SLC39A11: variants seen among roughly 807,000 people sequenced by gnomAD.
SLC39A11 encodes the protein solute carrier family 39 member 11.
In SLC39A11, 33 loss-of-function variants were observed where a neutral mutation model predicts 36.1. The ratio of observed to expected loss-of-function variants is 0.91; its 90% CI spans 0.69 to 1.22. The LOEUF (loss-of-function observed/expected upper bound fraction) is 1.22. Among genes scored for constraint, SLC39A11 ranks in the 50% most tolerant of loss-of-function variants. The probability of loss-of-function intolerance (pLI) is 0.00; values close to 1 mark genes in which losing one functional copy is unlikely to be tolerated. For missense variants in SLC39A11, 432 were observed against 430.3 expected (o/e 1.00, Z -0.03); for synonymous variants, 166 against 170.3 (o/e 0.97, Z 0.20).
intron 6 of SLC39A11, among the ~76,000 whole-genome samples, chr17:72,753,900 A>AG (rs904062109): frequency 4.7e-5 from 7 of 149,540 alleles, no homozygotes. Context: ...AAAAAAAAAA[A>AG]AAAAAAAAAA....
chr17:72,908,523 T>C (rs1311697470), intron 5 of SLC39A11, among the ~76,000 whole-genome samples: 2 of 152,186 alleles, frequency 1.3e-5, no homozygotes, highest in African/African-American at 4.8e-5. Context: ...GCAGGAGAAC[T>C]GTCCAGAGAG....
chr17:72,646,391 C>T lies in SLC39A11; in HGVS notation c.*1193G>A, dbSNP rs1464539964. ...TTTGAAGTGGACAGGTCATTGCTAC[C>T]CCTGTTGGAGAAGCTATGTAAGAAG... On this transcript the variant is annotated 3_prime_UTR_variant, in exon 10 of 10. Coordinates refer to ENST00000255559, the MANE Select transcript of SLC39A11 (RefSeq NM_139177.4). 2 of 152,216 alleles carry T rather than the reference C, an allele frequency of 1.3e-5. No individual in the cohort carries two copies. Among genetic ancestry groups the T allele is most frequent in the Non-Finnish European group, 2.9e-5 (2 of 68,042 alleles). 9.4% of individuals were successfully genotyped at this position (152,216 alleles called of 1,614,324 possible). A position where few individuals can be genotyped will look rare whatever the true frequency, so the allele number is the denominator to read the frequency against.
intron 3 of SLC39A11, among the ~76,000 whole-genome samples, chr17:73,074,265 C>T (rs1301471694): frequency 6.6e-6 from 1 of 151,826 alleles, no homozygotes; most frequent in Admixed American, 6.6e-5. Context: ...AGGGGCCCTC[C>T]TGAAATATCC....
At chr17:72,898,650 G>T (rs1238218283) in intron 5 of SLC39A11, among the ~76,000 whole-genome samples, 1 of 152,018 alleles carries the variant, frequency 6.6e-6, no homozygotes, top group South Asian at 2.1e-4. Flanking sequence ...TGCATACATG[G>T]GCATGCACAC....
intron 3 of SLC39A11, among the ~76,000 whole-genome samples, chr17:73,044,740 G>A (rs1183495737): frequency 2.0e-5 from 3 of 152,034 alleles, no homozygotes; most frequent in East Asian, 1.9e-4. Context: ...TGGGGATGGT[G>A]GTGGGTACCT....
intron 3 of SLC39A11, among the ~76,000 whole-genome samples, chr17:73,058,670 T>C (rs1039873404): frequency 2.6e-5 from 4 of 151,992 alleles, no homozygotes; most frequent in African/African-American, 9.7e-5. Context: ...TTGCAGTGAG[T>C]CGAGATCGCA....
At chr17:72,974,629 C>T (rs1183668105) in intron 4 of SLC39A11, among the ~76,000 whole-genome samples, 1 of 152,062 alleles carries the variant, frequency 6.6e-6, no homozygotes, top group Admixed American at 6.6e-5. Context: ...TAAGTTAAGG[C>T]CAATGTATTA....
At chr17:73,005,945 C>A (rs182993360) in intron 4 of SLC39A11, among the ~76,000 whole-genome samples, 1 of 151,542 alleles carries the variant, frequency 6.6e-6, no homozygotes, top group South Asian at 2.1e-4. Context: ...AGCAAGACTC[C>A]GACTCAAAAA....
chr17:72,775,173 G>A (rs1169873312), intron 6 of SLC39A11, among the ~76,000 whole-genome samples: 2 of 152,086 alleles, frequency 1.3e-5, no homozygotes, highest in East Asian at 3.9e-4. Flanking sequence ...CTCAGCTAAC[G>A]TATCACCTTC....
chr17:72,773,526 C>T (rs1246576144), intron 6 of SLC39A11, among the ~76,000 whole-genome samples: 8 of 152,182 alleles, frequency 5.3e-5, no homozygotes, highest in South Asian at 2.1e-4. Context: ...GATTGTGAGG[C>T]CTCCCCAGCC....
At chr17:73,052,029 C>T (rs1268170216) in intron 3 of SLC39A11, among the ~76,000 whole-genome samples, 2 of 152,000 alleles carry the variant, frequency 1.3e-5, no homozygotes, top group African/African-American at 4.8e-5. Context: ...CCATCCCCAG[C>T]TCCATCAAGT....
At chr17:72,742,129 G>A (rs997842887) in intron 6 of SLC39A11, among the ~76,000 whole-genome samples, 8 of 152,086 alleles carry the variant, frequency 5.3e-5, no homozygotes, top group African/African-American at 1.9e-4. Context: ...CTTGAACCCG[G>A]GAGGCAGAGG....
chr17:73,033,475 G>A (rs1202067241), intron 3 of SLC39A11, among the ~76,000 whole-genome samples: 1 of 152,224 alleles, frequency 6.6e-6, no homozygotes, highest in Non-Finnish European at 1.5e-5. Context: ...AGTTGCTGGA[G>A]ATGAGCTGGC....
intron 7 of SLC39A11, among the ~76,000 whole-genome samples, chr17:72,716,926 G>T (rs1258320937): frequency 4.1e-5 from 6 of 146,446 alleles, no homozygotes; most frequent in African/African-American, 1.5e-4. Flanking sequence ...CCAAGACGAT[G>T]CCACTGCACT....
chr17:72,745,905 A>C (rs2074915969), intron 6 of SLC39A11, among the ~76,000 whole-genome samples: 2 of 152,232 alleles, frequency 1.3e-5, no homozygotes, highest in South Asian at 4.1e-4. Context: ...ACCACCACCA[A>C]CAAACCCCAA....
chr17:72,671,784 A>G (rs2071033308), intron 7 of SLC39A11, among the ~76,000 whole-genome samples: 1 of 152,254 alleles, frequency 6.6e-6, no homozygotes, highest in East Asian at 1.9e-4. Context: ...TAAGACAAAT[A>G]CTGAACAATA....
chr17:72,681,708 C>T (rs1335679507), intron 7 of SLC39A11, among the ~76,000 whole-genome samples: 1 of 152,170 alleles, frequency 6.6e-6, no homozygotes, highest in Non-Finnish European at 1.5e-5. Context: ...GTCTCTGCCA[C>T]CCCAGAGACA....
chr17:72,790,498 A>G (rs2076665069), intron 6 of SLC39A11, among the ~76,000 whole-genome samples: 2 of 151,782 alleles, frequency 1.3e-5, no homozygotes, highest in Admixed American at 1.3e-4. Context: ...AAGAGAATCC[A>G]TCTTTCAAAG....
At chr17:72,996,764 T>C (rs1275833849) in intron 4 of SLC39A11, among the ~76,000 whole-genome samples, 1 of 152,080 alleles carries the variant, frequency 6.6e-6, no homozygotes, top group African/African-American at 2.4e-5. Context: ...CCAAGAAACA[T>C]ATATTTTGGG....
Sources: gnomAD v4.1 joint callset for allele counts (sites outside exome capture counted in the v4.1 genomes callset) on GRCh38, gnomAD v4.1.1 for gene constraint, MANE v1.5 for transcripts, NCBI Gene and HGNC (gene_info 2026-07-23, HGNC 2026-07-21) for gene names.